The following FGF14 variants were observed in gnomAD, a reference collection of about 807,000 sequenced individuals.
FGF14 encodes the protein fibroblast growth factor 14, also known as fibroblast growth factor homologous factor 4.
A neutral mutation model predicts 25.5 loss-of-function variants in FGF14; 5 were observed. The ratio of observed to expected loss-of-function variants is 0.20; its 90% confidence interval spans 0.10 to 0.41. FGF14 has a LOEUF of 0.41. Ranked by LOEUF, FGF14 falls within the 10% of genes least tolerant of loss-of-function variation. The probability of loss-of-function intolerance (pLI) is 1.00; values close to 1 mark genes in which losing one functional copy is unlikely to be tolerated. For synonymous variants in FGF14, 138 were observed against 118.3 expected (o/e 1.17, Z -1.08); for missense variants, 222 against 320.1 (o/e 0.69, Z 2.34).
rs72660308 is a variant in FGF14, at chr13:101,733,747, G to A, written c.409-6937C>T. Among the ~76,000 whole-genome samples the A allele has an allele frequency of 4.9e-3, 740 of 151,740 alleles. 3 individuals carry two copies. The highest frequency in any genetic ancestry group is 9.7e-3 in the Admixed American group (147 of 15,220). ...AATTCTGTTACTTAAGTAGTTTCCC[G>A]GGAAACAAAATGGAAAATTAAAGCA... On this transcript the variant is annotated intron_variant, in intron 3 of 4. Transcript: ENST00000376143.
chr13:101,977,275 A>T (rs1051653274), intron 1 of FGF14, among the ~76,000 whole-genome samples: 2 of 152,180 alleles, frequency 1.3e-5, no homozygotes, highest in African/African-American at 4.8e-5. Context: ...CCTAAACAGG[A>T]AAGTACTGCT....
At chr13:101,977,680 C>T (rs77688831) in intron 1 of FGF14, among the ~76,000 whole-genome samples, 2,462 of 152,228 alleles carry the variant, frequency 0.016, 78 homozygotes, top group African/African-American at 0.056. Context: ...ACCGAGTGAT[C>T]CCTGGGATGC....
At chr13:101,943,812 T>TAAA (rs58741547) in intron 1 of FGF14, among the ~76,000 whole-genome samples, 2 of 134,252 alleles carry the variant, frequency 1.5e-5, no homozygotes, top group African/African-American at 6.1e-5. Context: ...TGTCTCTACT[T>TAAA]AAAAAAAAAA....
chr13:101,824,314 A>G (rs566127500), intron 3 of FGF14, among the ~76,000 whole-genome samples: 8 of 152,158 alleles, frequency 5.3e-5, no homozygotes, highest in African/African-American at 1.9e-4. Context: ...TGATGGGCTT[A>G]TATTTACTTT....
chr13:102,077,296 G>T (rs1218962433), intron 1 of FGF14, among the ~76,000 whole-genome samples: 1 of 152,046 alleles, frequency 6.6e-6, no homozygotes, highest in African/African-American at 2.4e-5. Flanking sequence ...GAAGACAAAT[G>T]GGATTATATC....
chr13:101,924,374 ATGT>A (rs2034219330), intron 1 of FGF14, among the ~76,000 whole-genome samples: 1 of 149,062 alleles, frequency 6.7e-6, no homozygotes, highest in Admixed American at 6.6e-5. Flanking sequence ...CTGCACACAC[ATGT>A]TGTATGCATT....
At chr13:102,309,103 A>T (rs954397556) in intron 1 of FGF14, among the ~76,000 whole-genome samples, 4 of 150,380 alleles carry the variant, frequency 2.7e-5, no homozygotes, top group African/African-American at 9.9e-5. Context: ...AAAAGTAAAC[A>T]TGCACCCACA....
intron 1 of FGF14, among the ~76,000 whole-genome samples, chr13:102,359,853 T>TA (rs34833298): frequency 0.059 from 8,315 of 140,800 alleles, 655 homozygotes; most frequent in African/African-American, 0.18. Context: ...AACTTTATGT[T>TA]AAAAAAAAAA....
intron 1 of FGF14, among the ~76,000 whole-genome samples, chr13:101,947,244 T>C (rs1378309964): frequency 6.6e-6 from 1 of 152,200 alleles, no homozygotes. Flanking sequence ...GGAATATAAA[T>C]TAGTTCAGCC....
intron 1 of FGF14, among the ~76,000 whole-genome samples, chr13:102,087,035 GA>G (rs2043939136): frequency 6.6e-6 from 1 of 152,182 alleles, no homozygotes. Flanking sequence ...TTGAGGTCAA[GA>G]AACCAGTCAT....
intron 1 of FGF14, among the ~76,000 whole-genome samples, chr13:101,987,515 C>T (rs1215552561): frequency 6.6e-6 from 1 of 152,076 alleles, no homozygotes; most frequent in African/African-American, 2.4e-5. Flanking sequence ...TAAAACATAG[C>T]AAGTTTTAGC....
chr13:101,816,433 T>C (rs1023729092), intron 3 of FGF14, among the ~76,000 whole-genome samples: 1 of 152,158 alleles, frequency 6.6e-6, no homozygotes, highest in African/African-American at 2.4e-5. Context: ...AGTGAAATTA[T>C]ACAATTGGCT....
intron 1 of FGF14, among the ~76,000 whole-genome samples, chr13:102,145,399 G>A (rs1322054774): frequency 6.6e-6 from 1 of 152,126 alleles, no homozygotes; most frequent in Non-Finnish European, 1.5e-5. Flanking sequence ...ACATACCCAT[G>A]GTGGCAGAGT....
At chr13:101,792,455 C>T (rs1374093678) in intron 3 of FGF14, among the ~76,000 whole-genome samples, 2 of 151,942 alleles carry the variant, frequency 1.3e-5, no homozygotes, top group Non-Finnish European at 2.9e-5. Flanking sequence ...TTGCAAGCCT[C>T]CAGCAAAAAT....
intron 1 of FGF14, among the ~76,000 whole-genome samples, chr13:102,212,945 CTT>C (rs2050220150): frequency 6.6e-6 from 1 of 152,198 alleles, no homozygotes. Context: ...GTGCAAAACA[CTT>C]AGCTTTCTGC....
chr13:102,229,886 T>C (rs1163178015), intron 1 of FGF14, among the ~76,000 whole-genome samples: 1 of 152,212 alleles, frequency 6.6e-6, no homozygotes, highest in Non-Finnish European at 1.5e-5. Flanking sequence ...TTGAGCATGC[T>C]GTGGAAGGCT....
chr13:101,983,592 T>C (rs1336360690), intron 1 of FGF14, among the ~76,000 whole-genome samples: 2 of 152,354 alleles, frequency 1.3e-5, no homozygotes, highest in African/African-American at 4.8e-5. Context: ...CCAGTTAAAT[T>C]GCATTTTGTG....
intron 1 of FGF14, among the ~76,000 whole-genome samples, chr13:102,332,258 T>C (rs773604746): frequency 3.6e-4 from 55 of 152,108 alleles, no homozygotes; most frequent in Admixed American, 1.1e-3. Flanking sequence ...TTTCAATAAA[T>C]AGAAAAATTA....
At chr13:101,828,412 G>A (rs74981435) in intron 3 of FGF14, among the ~76,000 whole-genome samples, 4,059 of 151,356 alleles carry the variant, frequency 0.027, 95 homozygotes, top group Non-Finnish European at 0.038. Flanking sequence ...ATGACCAAAT[G>A]ATAATCATTA....
Sources: gnomAD v4.1 joint callset for allele counts (sites outside exome capture counted in the v4.1 genomes callset) on GRCh38, gnomAD v4.1.1 for gene constraint, MANE v1.5 for transcripts, NCBI Gene and HGNC (gene_info 2026-07-23, HGNC 2026-07-21) for gene names.